Variants in CNTNAP2 observed in about 807,000 individuals in gnomAD.
The protein encoded by CNTNAP2 is contactin-associated protein-like 2.
In CNTNAP2, 98 loss-of-function variants were observed where a neutral mutation model predicts 155.2. The observed-to-expected ratio is 0.63, with a 90% CI of 0.54 to 0.75. The LOEUF (loss-of-function observed/expected upper bound fraction) is 0.75. CNTNAP2 is among the 30% of genes least tolerant of loss of function. The pLI, the probability that CNTNAP2 is intolerant of heterozygous loss-of-function variation, is 0.00. For synonymous variants in CNTNAP2, 651 were observed against 631.2 expected, an observed-to-expected ratio of 1.03 and a Z score of -0.47; for missense variants, 1,727 against 1,688.1, an observed-to-expected ratio of 1.02 and a Z score of -0.40.
rs763287701 is a variant in CNTNAP2, at chr7:147,639,302, C to T, written c.2094C>T (p.Thr698=). 2.5e-6 allele frequency: 4 copies of T among 1,613,720 alleles called. No individual in the cohort carries two copies. In the East Asian group the frequency reaches 6.7e-5, roughly 27 times the overall value. The change falls in exon 13 of 24, where the codon ACC becomes ACT. Residue 698 remains threonine (T), a synonymous_variant. Transcript: ENST00000361727. ...YFCKMSRLLN[T]PDGSPYTWWV... Reference sequence around the variant, plus strand: ...GCAAGATGTCAAGATTGTTGAACACCCCAGGTAGGCTGAGAATGGAATGTT... The same window carrying T: ...GCAAGATGTCAAGATTGTTGAACACTCCAGGTAGGCTGAGAATGGAATGTT...
intron 11 of CNTNAP2, among the ~76,000 whole-genome samples, chr7:147,499,316 C>T (rs1268215472): frequency 2.0e-5 from 3 of 151,970 alleles, no homozygotes; most frequent in Non-Finnish European, 2.9e-5. Flanking sequence ...ATCATGAGGT[C>T]AGGAGATCAA....
At chr7:147,406,159 G>C (rs1246786115) in intron 10 of CNTNAP2, among the ~76,000 whole-genome samples, 1 of 151,820 alleles carries the variant, frequency 6.6e-6, no homozygotes, top group South Asian at 2.1e-4. Flanking sequence ...TTCTCTTTTT[G>C]AGGAGTCTTT....
At chr7:148,392,938 C>T (rs1585336763) in intron 22 of CNTNAP2, among the ~76,000 whole-genome samples, 2 of 152,230 alleles carry the variant, frequency 1.3e-5, no homozygotes, top group African/African-American at 2.4e-5. Context: ...CTTCCCGTCA[C>T]CACATCGGAC....
chr7:146,281,770 G>A (rs1317481512), intron 1 of CNTNAP2, among the ~76,000 whole-genome samples: 3 of 151,370 alleles, frequency 2.0e-5, no homozygotes, highest in Non-Finnish European at 4.4e-5. Context: ...ACTCCAGCCT[G>A]GCAACCAAGT....
At chr7:146,950,414 T>C (rs1308487144) in intron 3 of CNTNAP2, among the ~76,000 whole-genome samples, 1 of 152,100 alleles carries the variant, frequency 6.6e-6, no homozygotes, top group Non-Finnish European at 1.5e-5. Context: ...CCATCTACAT[T>C]AGGTATTTCT....
intron 3 of CNTNAP2, among the ~76,000 whole-genome samples, chr7:147,022,315 T>C (rs1798830767): frequency 6.6e-6 from 1 of 152,100 alleles, no homozygotes; most frequent in Non-Finnish European, 1.5e-5. Context: ...AAATACAAGT[T>C]TGAAGAACTT....
intron 12 of CNTNAP2, among the ~76,000 whole-genome samples, chr7:147,564,767 T>A (rs186250529): frequency 1.3e-5 from 2 of 152,324 alleles, no homozygotes; most frequent in East Asian, 3.9e-4. Flanking sequence ...TTAAACAGCA[T>A]GGCTGCAATT....
At position 146,838,707 on chromosome 7, in the gene CNTNAP2, A is replaced by C. The variant is rs1044929123; in HGVS notation, c.209-1004A>C. On this transcript the variant is annotated intron_variant, in intron 2 of 23. Transcript: ENST00000361727. Reference sequence around the variant, plus strand: ...AAAAATAGGCCATGTAACCATTATTATTTGAATATCTGTGATGATTTATGA... The same window carrying C: ...AAAAATAGGCCATGTAACCATTATTCTTTGAATATCTGTGATGATTTATGA... 3.2e-4 allele frequency among the ~76,000 whole-genome samples: 48 copies of C among 152,216 alleles called. 1 individual carries two copies. Among genetic ancestry groups the C allele is most frequent in the Non-Finnish European group, 5.7e-4 (39 of 68,028 alleles).
At chr7:148,363,214 C>T (rs61257149) in intron 21 of CNTNAP2, among the ~76,000 whole-genome samples, 2,974 of 152,308 alleles carry the variant, frequency 0.02, 114 homozygotes, top group African/African-American at 0.067. Flanking sequence ...AACTCCCAAC[C>T]TCATGTGATC....
At chr7:146,410,705 A>G (rs1795853429) in intron 1 of CNTNAP2, among the ~76,000 whole-genome samples, 1 of 152,022 alleles carries the variant, frequency 6.6e-6, no homozygotes, top group African/African-American at 2.4e-5. Flanking sequence ...GTGCCCATGT[A>G]TTCTCATAAG....
intron 14 of CNTNAP2, among the ~76,000 whole-genome samples, chr7:147,912,988 G>A (rs1036255810): frequency 2.6e-5 from 4 of 152,170 alleles, no homozygotes; most frequent in Non-Finnish European, 4.4e-5. Context: ...CTTCAGGGAC[G>A]CCTCCTGTAG....
chr7:147,793,936 A>C (rs1288161540), intron 13 of CNTNAP2, among the ~76,000 whole-genome samples: 1 of 151,826 alleles, frequency 6.6e-6, no homozygotes, highest in Non-Finnish European at 1.5e-5. Context: ...TGTAAATGGA[A>C]TTTTCTCTTA....
intron 1 of CNTNAP2, among the ~76,000 whole-genome samples, chr7:146,496,074 G>T (rs539595722): frequency 6.6e-6 from 1 of 152,238 alleles, no homozygotes; most frequent in South Asian, 2.1e-4. Context: ...TGAATGCTCT[G>T]TTGAATGGGA....
chr7:147,690,717 A>G (rs117147160), intron 13 of CNTNAP2, among the ~76,000 whole-genome samples: 2,103 of 152,234 alleles, frequency 0.014, 29 homozygotes, highest in Non-Finnish European at 0.023. Flanking sequence ...CTTTTGATAA[A>G]TTAGAATCAT....
chr7:147,831,064 G>A (rs1798538232), intron 13 of CNTNAP2, among the ~76,000 whole-genome samples: 1 of 152,132 alleles, frequency 6.6e-6, no homozygotes, highest in Non-Finnish European at 1.5e-5. Flanking sequence ...TTAAGCATGA[G>A]AGTTAATAAT....
chr7:146,349,340 A>G (rs1352319150), intron 1 of CNTNAP2, among the ~76,000 whole-genome samples: 2 of 152,260 alleles, frequency 1.3e-5, no homozygotes, highest in Admixed American at 1.3e-4. Context: ...AACGAATTCA[A>G]CAGCAGTATT....
At chr7:148,066,501 C>CT (rs1282813683) in intron 15 of CNTNAP2, among the ~76,000 whole-genome samples, 2 of 150,304 alleles carry the variant, frequency 1.3e-5, no homozygotes, top group Non-Finnish European at 3.0e-5. Context: ...TTCTTTTTTT[C>CT]TTTTTTTTTA....
intron 8 of CNTNAP2, among the ~76,000 whole-genome samples, chr7:147,154,749 T>C (rs759749065): frequency 6.1e-4 from 93 of 152,204 alleles, no homozygotes; most frequent in Non-Finnish European, 1.2e-3. Context: ...TCTAAAACTA[T>C]CCTTGTCTCC....
intron 15 of CNTNAP2, among the ~76,000 whole-genome samples, chr7:148,036,905 A>G (rs370083988): frequency 1.3e-5 from 2 of 152,322 alleles, no homozygotes; most frequent in East Asian, 3.9e-4. Flanking sequence ...TTTTAAATGT[A>G]AATGTGACTG....
Sources: gnomAD v4.1 joint callset for allele counts (sites outside exome capture counted in the v4.1 genomes callset) on GRCh38, gnomAD v4.1.1 for gene constraint, MANE v1.5 for transcripts, NCBI Gene and HGNC (gene_info 2026-07-23, HGNC 2026-07-21) for gene names.